The following PTPN22 variants were observed in gnomAD, a reference collection of about 807,000 sequenced individuals.
PTPN22 encodes protein tyrosine phosphatase non-receptor type 22.
A neutral mutation model predicts 103.3 loss-of-function variants in PTPN22; 85 were observed. The ratio of observed to expected loss-of-function variants is 0.82; its 90% CI spans 0.69 to 0.99. The LOEUF (loss-of-function observed/expected upper bound fraction) is 0.99. Ranked by LOEUF, PTPN22 falls within the 50% of genes least tolerant of loss-of-function variation. The pLI, the probability that PTPN22 is intolerant of heterozygous loss-of-function variation, is 0.00. For synonymous variants in PTPN22, 323 were observed against 310.2 expected (o/e 1.04, Z -0.43); for missense variants, 865 against 936.9 (o/e 0.92, Z 1.00).
At chr1:113,817,204 A>G (rs1028754436) in intron 20 of PTPN22, among the ~76,000 whole-genome samples, 1 of 152,206 alleles carries the variant, frequency 6.6e-6, no homozygotes, top group Non-Finnish European at 1.5e-5. Flanking sequence ...GACTAGGAAT[A>G]GAGATAAGGA....
Position 113,852,244 on chromosome 1 carries a change from A to G in PTPN22, c.751-140T>C, listed in dbSNP as rs1664630971. The G allele has an allele frequency of 7.9e-6, 5 of 630,000 alleles. No individual in the cohort carries two copies. The Admixed American group carries it at 8.3e-5, about 10-fold the overall frequency. The allele number at this position is 630,000 out of a possible 1,614,324, so 39.0% of individuals were successfully genotyped here. A position where few individuals can be genotyped will look rare whatever the true frequency, so the allele number is the denominator to read the frequency against. On this transcript the variant is annotated intron_variant, in intron 9 of 20. Coordinates refer to ENST00000359785, the Ensembl canonical transcript of PTPN22. ...GAAAAATGATGCATTTTTAAAACAA[A>G]TGAGGTTTCTTATCACTTGCAACAT...
exon 18 of PTPN22, chr1:113,829,618 G>T: frequency 6.2e-7 from 1 of 1,601,146 alleles, no homozygotes; most frequent in Non-Finnish European, 8.5e-7. Context: ...CTTTTTCCAG[G>T]AGTCTTCAGT....
exon 21 of PTPN22, chr1:113,814,751 G>C: frequency 4.7e-6 from 3 of 635,318 alleles, no homozygotes; most frequent in Non-Finnish European, 8.1e-6. Flanking sequence ...GGCACTTATT[G>C]GCATTTTGCT....
exon 2 of PTPN22, chr1:113,859,420 G>A: frequency 6.2e-7 from 1 of 1,613,950 alleles, no homozygotes; most frequent in Non-Finnish European, 8.5e-7. Context: ...TGTAGGATAG[G>A]TTTTGTCTGC....
chr1:113,859,595 C>A (rs1311163983), intron 1 of PTPN22, 135 bp from the exon 2 acceptor site: 4 of 687,822 alleles, frequency 5.8e-6, no homozygotes, highest in Non-Finnish European at 9.8e-6. Flanking sequence ...TGACTCCGTT[C>A]AGGACAGAGC....
intron 1 of PTPN22, among the ~76,000 whole-genome samples, chr1:113,865,209 C>T (rs1190362560): frequency 6.6e-6 from 1 of 152,006 alleles, no homozygotes. Context: ...GAACAGAAAA[C>T]GTATATAAGG....
intron 18 of PTPN22, chr1:113,829,298 A>G (rs1662351341): frequency 5.5e-6 from 1 of 180,244 alleles, no homozygotes; most frequent in Non-Finnish European, 1.1e-5. Flanking sequence ...CCAGTTTGTT[A>G]TGTAGGTAAA....
chr1:113,866,436 G>A (rs1418010003), intron 1 of PTPN22, among the ~76,000 whole-genome samples: 3 of 151,968 alleles, frequency 2.0e-5, no homozygotes, highest in Non-Finnish European at 4.4e-5. Context: ...GCTTGAACCC[G>A]GGAGGTGGTG....
chr1:113,837,866 C>T lies in PTPN22; in HGVS notation c.1534G>A (p.Ala512Thr), dbSNP rs1438785062. The change falls in exon 13 of 21, where the codon GCC becomes ACC. Residue 512 changes from alanine (A) to threonine (T), a missense_variant. Coordinates refer to ENST00000359785, the Ensembl canonical transcript of PTPN22. ...GAGTCATGGTGCTTTACATTAGAGG[C>T]ATTACGTATTTGGTGTTTAGAGTCA... 3 of 1,613,980 alleles carry T rather than the reference C, an allele frequency of 1.9e-6. No individual in the cohort carries two copies. In the African/African-American group the frequency reaches 4.0e-5, roughly 22 times the overall value.
At chr1:113,855,789 C>T (rs1362229218) in intron 7 of PTPN22, among the ~76,000 whole-genome samples, 1 of 152,182 alleles carries the variant, frequency 6.6e-6, no homozygotes, top group African/African-American at 2.4e-5. Flanking sequence ...ATAGTTCAAA[C>T]CAGTGTTTCC....
intron 11 of PTPN22, among the ~76,000 whole-genome samples, chr1:113,841,751 C>T (rs138832130): frequency 2.9e-3 from 447 of 152,098 alleles, no homozygotes; most frequent in African/African-American, 0.01. Flanking sequence ...TACAGGCACA[C>T]GCCACCACAC....
At chr1:113,847,232 G>A (rs564897633) in intron 11 of PTPN22, among the ~76,000 whole-genome samples, 1 of 90,998 alleles carries the variant, frequency 1.1e-5, no homozygotes, top group East Asian at 2.9e-4. Flanking sequence ...TCTTTGCTGA[G>A]ACTCTTTTTT....
intron 19 of PTPN22, among the ~76,000 whole-genome samples, chr1:113,820,057 T>C (rs1161272790): frequency 6.6e-6 from 1 of 152,158 alleles, no homozygotes; most frequent in Non-Finnish European, 1.5e-5. Flanking sequence ...CAATAATTCA[T>C]CCATGACAAG....
chr1:113,838,487 G>T, intron 12 of PTPN22, 57 bp downstream of exon 12: 1 of 1,602,670 alleles, frequency 6.2e-7, no homozygotes, highest in South Asian at 1.1e-5. Flanking sequence ...GTATAAGCAT[G>T]AGATTCATCT....
chr1:113,845,200 G>GTTTTTT (rs766526572), intron 11 of PTPN22, among the ~76,000 whole-genome samples: 4 of 137,656 alleles, frequency 2.9e-5, no homozygotes, highest in Non-Finnish European at 4.7e-5. Flanking sequence ...TTTTGTTTTT[G>GTTTTTT]TTTTTTTTTT....
chr1:113,820,474 A>G (rs1661498652), intron 19 of PTPN22, among the ~76,000 whole-genome samples: 1 of 151,750 alleles, frequency 6.6e-6, no homozygotes, highest in Non-Finnish European at 1.5e-5. Context: ...AAAAAACATA[A>G]TAATTATTAT....
intron 11 of PTPN22, among the ~76,000 whole-genome samples, chr1:113,843,056 C>T (rs1368547018): frequency 1.6e-5 from 2 of 128,676 alleles, no homozygotes; most frequent in African/African-American, 6.3e-5. Context: ...GCCGAGATCC[C>T]GCCACTGCAC....
At position 113,850,075 on chromosome 1, in the gene PTPN22, G is replaced by A. The variant is rs139838522; in HGVS notation, c.829-1449C>T. Among the ~76,000 whole-genome samples, 685 of 152,018 alleles carry A rather than the reference G, an allele frequency of 4.5e-3. 3 individuals carry two copies. Among genetic ancestry groups the A allele is most frequent in the Non-Finnish European group, 7.1e-3 (481 of 67,952 alleles). On this transcript the variant is annotated intron_variant, in intron 10 of 20. Transcript: ENST00000359785. The stretch of plus-strand genomic sequence containing the variant: ...AGCTGGGCATGGTGATGCGTGCCTG[G>A]AGTCCCACCTACTCGGGAGGCTGAG...
At chr1:113,861,490 T>G (rs1665590739) in intron 1 of PTPN22, among the ~76,000 whole-genome samples, 1 of 152,138 alleles carries the variant, frequency 6.6e-6, no homozygotes. Flanking sequence ...TCTGCCCGCC[T>G]TGGCCTCCCG....
Sources: allele counts gnomAD v4.1 joint callset (sites outside exome capture counted in the v4.1 genomes callset), GRCh38; gene constraint gnomAD v4.1.1; transcripts MANE v1.5; gene names NCBI Gene and HGNC (gene_info 2026-07-23, HGNC 2026-07-21).